The following FGF12 variants were observed in gnomAD, a reference collection of about 807,000 sequenced individuals.
FGF12 encodes the protein fibroblast growth factor 12B.
Under a neutral mutation model 23.6 loss-of-function variants are expected in FGF12, and 14 were observed. The observed-to-expected ratio is 0.59, with a 90% CI of 0.39 to 0.93. FGF12 has a LOEUF of 0.93. Ranked by LOEUF, FGF12 falls within the 40% of genes least tolerant of loss-of-function variation. FGF12 has a pLI of 0.00. For synonymous variants in FGF12, 62 were observed against 77.3 expected, an observed-to-expected ratio of 0.80 and a Z score of 1.04; for missense variants, 175 against 217.8, an observed-to-expected ratio of 0.80 and a Z score of 1.24.
chr3:192,330,198 C>T (rs929975356), intron 4 of FGF12, among the ~76,000 whole-genome samples: 1 of 152,042 alleles, frequency 6.6e-6, no homozygotes, highest in African/African-American at 2.4e-5. Flanking sequence ...ATCTCAATGT[C>T]GTTTTTTGCA....
chr3:192,146,272 A>ATATTTTTTT (rs746233904), intron 5 of FGF12, among the ~76,000 whole-genome samples: 52 of 143,276 alleles, frequency 3.6e-4, no homozygotes, highest in African/African-American at 1.2e-3. Flanking sequence ...TAAAGTGTAT[A>ATATTTTTTT]TTTTTTTTTT....
At chr3:192,558,167 G>C (rs1262097064) in intron 2 of FGF12, among the ~76,000 whole-genome samples, 1 of 151,760 alleles carries the variant, frequency 6.6e-6, no homozygotes, top group Non-Finnish European at 1.5e-5. Flanking sequence ...ATTGCATATA[G>C]AGAAAATTCT....
chr3:192,155,143 G>A (rs1009682544), intron 5 of FGF12, among the ~76,000 whole-genome samples: 13 of 151,760 alleles, frequency 8.6e-5, no homozygotes, highest in African/African-American at 2.2e-4. Context: ...GCGCTTCCCA[G>A]GTGAGGCAAT....
intron 4 of FGF12, among the ~76,000 whole-genome samples, chr3:192,231,264 T>C (rs1413375230): frequency 6.6e-6 from 1 of 151,918 alleles, no homozygotes; most frequent in African/African-American, 2.4e-5. Flanking sequence ...AAAATGCCTA[T>C]TTAGATAGGT....
At chr3:192,382,490 C>T (rs114613021) in intron 2 of FGF12, among the ~76,000 whole-genome samples, 3,372 of 151,952 alleles carry the variant, frequency 0.022, 126 homozygotes, top group African/African-American at 0.077. Flanking sequence ...GGCCTTTCTT[C>T]GCTTACCAAT....
chr3:192,423,790 T>TA (rs1157391344), intron 2 of FGF12, among the ~76,000 whole-genome samples: 1 of 152,196 alleles, frequency 6.6e-6, no homozygotes, highest in Non-Finnish European at 1.5e-5. Flanking sequence ...TTAGGCTTTT[T>TA]AAAAAAGTTC....
chr3:192,664,605 CAA>C (rs763256973), intron 2 of FGF12, among the ~76,000 whole-genome samples: 2 of 111,910 alleles, frequency 1.8e-5, no homozygotes, highest in Admixed American at 9.6e-5. Context: ...AAAAAAAATA[CAA>C]AAAAAAAAAA....
intron 4 of FGF12, among the ~76,000 whole-genome samples, chr3:192,183,008 A>T (rs778160403): frequency 5.9e-5 from 9 of 152,304 alleles, no homozygotes; most frequent in Non-Finnish European, 8.8e-5. Flanking sequence ...CTAAACATAG[A>T]CTTCCTGCAG....
chr3:192,552,033 A>G (rs750928576), intron 2 of FGF12, among the ~76,000 whole-genome samples: 12 of 152,104 alleles, frequency 7.9e-5, no homozygotes, highest in Non-Finnish European at 1.6e-4. Flanking sequence ...AAATGTAGAA[A>G]TAATATATTC....
At chr3:192,613,426 A>C (rs954757343) in intron 2 of FGF12, among the ~76,000 whole-genome samples, 3 of 151,992 alleles carry the variant, frequency 2.0e-5, no homozygotes, top group Admixed American at 2.0e-4. Context: ...TTGCTATAAA[A>C]ATATGACACT....
intron 3 of FGF12, among the ~76,000 whole-genome samples, chr3:192,352,888 C>T (rs189639578): frequency 6.6e-6 from 1 of 152,312 alleles, no homozygotes; most frequent in East Asian, 1.9e-4. Context: ...CTCTCTAGAT[C>T]TTTAAACACA....
chr3:192,284,111 C>A (rs550610467), intron 4 of FGF12, among the ~76,000 whole-genome samples: 2 of 152,034 alleles, frequency 1.3e-5, no homozygotes, highest in Non-Finnish European at 2.9e-5. Flanking sequence ...TAGACACTTG[C>A]CACTAATAAT....
intron 4 of FGF12, among the ~76,000 whole-genome samples, chr3:192,320,987 T>A (rs1170132138): frequency 6.6e-6 from 1 of 151,964 alleles, no homozygotes; most frequent in Non-Finnish European, 1.5e-5. Flanking sequence ...ATTTGAAATT[T>A]AAAAAAATAC....
intron 2 of FGF12, among the ~76,000 whole-genome samples, chr3:192,582,250 CAT>C (rs1713186482): frequency 6.6e-6 from 1 of 152,118 alleles, no homozygotes; most frequent in Admixed American, 6.6e-5. Flanking sequence ...GCTAATCTGC[CAT>C]AGACTGTTAA....
intron 2 of FGF12, among the ~76,000 whole-genome samples, chr3:192,707,414 AAAT>A (rs1718505854): frequency 6.6e-6 from 1 of 152,148 alleles, no homozygotes; most frequent in African/African-American, 2.4e-5. Flanking sequence ...ACAGATACAC[AAAT>A]AATAATAAAG....
At chr3:192,407,081 C>A (rs1720984234) in intron 2 of FGF12, among the ~76,000 whole-genome samples, 2 of 152,208 alleles carry the variant, frequency 1.3e-5, no homozygotes, top group Non-Finnish European at 2.9e-5. Context: ...TTCTCTCAAG[C>A]TGGGTACACT....
At position 192,408,022 on chromosome 3, in the gene FGF12, G is replaced by T. The variant is rs756178449; in HGVS notation, c.14-47484C>A. On this transcript the variant is annotated intron_variant, in intron 2 of 5. Coordinates refer to ENST00000445105, the MANE Select transcript of FGF12 (RefSeq NM_004113.6). The surrounding 1 kb of genome is among the most constrained non-coding windows in gnomAD (Gnocchi z 7.3). ...GGAGCCCACTCTCCGGGCTTCTACT[G>T]ACCTGGTCTCCGCCTCACCGGCCTC... 4.4e-6 allele frequency: 7 copies of T among 1,608,078 alleles called. No homozygotes were observed. Among genetic ancestry groups the T allele is most frequent in the Non-Finnish European group, 5.1e-6 (6 of 1,177,990 alleles).
At chr3:192,702,573 G>C (rs1202106682) in intron 2 of FGF12, among the ~76,000 whole-genome samples, 1 of 152,116 alleles carries the variant, frequency 6.6e-6, no homozygotes, top group South Asian at 2.1e-4. Flanking sequence ...GAGGTAGATT[G>C]CTTGAGTCCA....
intron 2 of FGF12, among the ~76,000 whole-genome samples, chr3:192,398,216 C>G (rs1720606526): frequency 6.6e-6 from 1 of 152,180 alleles, no homozygotes; most frequent in African/African-American, 2.4e-5. Context: ...CCATGGGATG[C>G]AGTTAGGAAC....
Sources: allele counts gnomAD v4.1 joint callset (sites outside exome capture counted in the v4.1 genomes callset), GRCh38; gene constraint gnomAD v4.1.1; non-coding constraint Gnocchi (gnomAD v3.1); transcripts MANE v1.5; gene names NCBI Gene and HGNC (gene_info 2026-07-23, HGNC 2026-07-21).